Variants in ABCA1 observed in about 807,000 individuals in gnomAD.
ABCA1 encodes the protein phospholipid-transporting ATPase ABCA1.
In ABCA1, 133 loss-of-function variants were observed where a neutral mutation model predicts 262.5. The ratio of observed to expected loss-of-function variants is 0.51; its 90% CI spans 0.44 to 0.59. ABCA1 has a LOEUF of 0.59. Ranked by LOEUF, ABCA1 falls within the 20% of genes least tolerant of loss-of-function variation. The pLI, the probability that ABCA1 is intolerant of heterozygous loss-of-function variation, is 0.00. For synonymous variants in ABCA1, 1,022 were observed against 1,043.5 expected (o/e 0.98, Z 0.40); for missense variants, 2,452 against 2,777.5 (o/e 0.88, Z 2.63).
At chr9:104,793,763 G>A (rs963585132) in intron 40 of ABCA1, among the ~76,000 whole-genome samples, 47 of 152,024 alleles carry the variant, frequency 3.1e-4, no homozygotes, top group African/African-American at 1.1e-3. Flanking sequence ...CTAGTTCCAT[G>A]TAACCATTCC....
At position 104,858,505 on chromosome 9, in the gene ABCA1, T is replaced by C; in HGVS notation, c.720+17A>G. The C allele has an allele frequency of 1.2e-6, 2 of 1,612,998 alleles. No individual in the cohort carries two copies. Among genetic ancestry groups the C allele is most frequent in the Non-Finnish European group, 1.7e-6 (2 of 1,179,790 alleles). The stretch of plus-strand genomic sequence containing the variant: ...GCATTAGTGCTTGAAGTTTCTCCAG[T>C]GAGCAAGTCTACTCACCAGGATTGG... On this transcript the variant is annotated intron_variant, in intron 7 of 49. Coordinates refer to ENST00000374736, the MANE Select transcript of ABCA1 (RefSeq NM_005502.4).
chr9:104,902,457 C>T (rs913954056), intron 2 of ABCA1, among the ~76,000 whole-genome samples: 1 of 152,162 alleles, frequency 6.6e-6, no homozygotes, highest in African/African-American at 2.4e-5. Flanking sequence ...CATTTACTGC[C>T]ATGCAACTTA....
At chr9:104,898,889 C>G (rs1056373996) in intron 2 of ABCA1, among the ~76,000 whole-genome samples, 2 of 152,220 alleles carry the variant, frequency 1.3e-5, no homozygotes, top group Non-Finnish European at 2.9e-5. Flanking sequence ...TAGTATCTAA[C>G]ACCAGTACCA....
chr9:104,847,819 A>T (rs1835026905), intron 7 of ABCA1, among the ~76,000 whole-genome samples: 1 of 152,258 alleles, frequency 6.6e-6, no homozygotes, highest in African/African-American at 2.4e-5. Flanking sequence ...GGCAAAATAA[A>T]AGATAATACT....
chr9:104,905,702 G>A (rs1284625211), intron 1 of ABCA1, among the ~76,000 whole-genome samples: 1 of 152,180 alleles, frequency 6.6e-6, no homozygotes, highest in East Asian at 1.9e-4. Context: ...AAGTGGCTCA[G>A]GACAGAGCTT....
chr9:104,786,394 C>T lies in ABCA1; in HGVS notation c.6309-4G>A, dbSNP rs199562704. ...AAGAGCTTCACATTCTTCCATACTG[C>T]GGTAAAACAGAAAGAGGTTTTAGTT... is the stretch of plus-strand genomic sequence containing the variant. On this transcript the variant is annotated splice_region_variant and splice_polypyrimidine_tract_variant and intron_variant, in intron 47 of 49. Coordinates refer to ENST00000374736, the MANE Select transcript of ABCA1 (RefSeq NM_005502.4). 2.2e-4 allele frequency: 357 copies of T among 1,613,358 alleles called. No individual in the cohort carries two copies. The highest frequency in any genetic ancestry group is 2.5e-4 in the Non-Finnish European group (299 of 1,179,352).
chr9:104,863,615 C>A (rs900529059), intron 5 of ABCA1, among the ~76,000 whole-genome samples: 1 of 152,216 alleles, frequency 6.6e-6, no homozygotes, highest in Non-Finnish European at 1.5e-5. Flanking sequence ...CAGGTGTATT[C>A]TGCTTTAGGC....
At chr9:104,837,156 C>CA (rs1833893320) in intron 10 of ABCA1, 60 bp from the exon 11 acceptor site, 8 of 1,354,896 alleles carry the variant, frequency 5.9e-6, no homozygotes, top group Admixed American at 3.6e-5. Context: ...AGACAATGAG[C>CA]GTTTGGCTCC....
intron 3 of ABCA1, among the ~76,000 whole-genome samples, chr9:104,886,464 T>C (rs759012868): frequency 6.6e-6 from 1 of 152,226 alleles, no homozygotes; most frequent in African/African-American, 2.4e-5. Context: ...TCTCCCTATC[T>C]TCCTGTTAAT....
chr9:104,902,748 A>T (rs1265899086), intron 2 of ABCA1, among the ~76,000 whole-genome samples: 1 of 152,184 alleles, frequency 6.6e-6, no homozygotes, highest in Non-Finnish European at 1.5e-5. Context: ...AACTGAATGA[A>T]ATTCTCTCCA....
chr9:104,904,476 G>A (rs1439558390), intron 1 of ABCA1, among the ~76,000 whole-genome samples: 3 of 151,412 alleles, frequency 2.0e-5, no homozygotes, highest in East Asian at 1.9e-4. Flanking sequence ...GCTGAGGCAG[G>A]AGAATCGCTG....
chr9:104,889,493 C>A (rs1450469299), intron 2 of ABCA1: 5 of 583,194 alleles, frequency 8.6e-6, no homozygotes, highest in Admixed American at 6.4e-5. Flanking sequence ...TTACTAAAAT[C>A]TCAGCCTGAG....
intron 7 of ABCA1, among the ~76,000 whole-genome samples, chr9:104,852,516 C>T (rs1835460555): frequency 6.6e-6 from 1 of 152,066 alleles, no homozygotes; most frequent in South Asian, 2.1e-4. Flanking sequence ...AAAAATTAAA[C>T]CTGTATCTTA....
intron 9 of ABCA1, among the ~76,000 whole-genome samples, chr9:104,837,926 G>A (rs1241800753): frequency 6.6e-6 from 1 of 152,166 alleles, no homozygotes. Context: ...ACACTCTCAT[G>A]CCAGCCTCAC....
At position 104,786,947 on chromosome 9, in the gene ABCA1, T is replaced by C; in HGVS notation, c.6234A>G (p.Lys2078=). The C allele has an allele frequency of 6.2e-7, 1 of 1,614,102 alleles. No homozygotes were observed. The highest frequency in any genetic ancestry group is 8.5e-7 in the Non-Finnish European group (1 of 1,179,982). Reference sequence around the variant, plus strand: ...CACAATTCCACAAGAACCGCCGGGCTTTGGGATCCATGCCTGTGGTGGGTT... The same window carrying C: ...CACAATTCCACAAGAACCGCCGGGCCTTGGGATCCATGCCTGTGGTGGGTT... The part of the protein sequence containing the change: ...LDEPTTGMDP[K]ARRFLWNCAL... Residue 2078 remains lysine, a synonymous_variant, in exon 47 of 50, where the codon AAA becomes AAG. Coordinates refer to ENST00000374736, the MANE Select transcript of ABCA1 (RefSeq NM_005502.4).
intron 5 of ABCA1, among the ~76,000 whole-genome samples, chr9:104,872,001 G>A (rs930147516): frequency 2.0e-5 from 3 of 152,060 alleles, no homozygotes; most frequent in African/African-American, 7.3e-5. Flanking sequence ...TCCTAAGGCT[G>A]GTCTAGGGAA....
At chr9:104,839,102 C>T (rs1834124048) in intron 9 of ABCA1, among the ~76,000 whole-genome samples, 1 of 152,170 alleles carries the variant, frequency 6.6e-6, no homozygotes, top group Non-Finnish European at 1.5e-5. Flanking sequence ...ATCAAGTTTT[C>T]AAGGAAAAGG....
rs1588502219 is a variant in ABCA1 at position 104,884,543 on chromosome 9, G to A, written c.186C>T (p.Pro62=). Residue 62 remains proline, a synonymous_variant, in exon 4 of 50, where the codon CCC becomes CCT. Transcript: ENST00000374736. Reference sequence around the variant, plus strand: ...GAACCCAAGGAAGTGTTCCTGCAGAGGGCATGGCTTTATTTGGAAAATGGC... The same window carrying A: ...GAACCCAAGGAAGTGTTCCTGCAGAAGGCATGGCTTTATTTGGAAAATGGC... ...HECHFPNKAM[P]SAGTLPWVQG... 1.2e-6 allele frequency: 2 copies of A among 1,614,190 alleles called. No individual in the cohort carries two copies. Among genetic ancestry groups the A allele is most frequent in the Non-Finnish European group, 1.7e-6 (2 of 1,180,022 alleles).
chr9:104,895,371 G>T (rs1241521362), intron 2 of ABCA1, among the ~76,000 whole-genome samples: 1 of 152,194 alleles, frequency 6.6e-6, no homozygotes, highest in Non-Finnish European at 1.5e-5. Context: ...CCAGATAGGT[G>T]TTGTGAGAGA....
Sources: allele counts gnomAD v4.1 joint callset (sites outside exome capture counted in the v4.1 genomes callset), GRCh38; gene constraint gnomAD v4.1.1; transcripts MANE v1.5; gene names NCBI Gene and HGNC (gene_info 2026-07-23, HGNC 2026-07-21).